LRTM1: variants seen among roughly 807,000 people sequenced by gnomAD.
The protein encoded by LRTM1 is leucine-rich repeat and transmembrane domain-containing protein 1.
Under a neutral mutation model 32.4 loss-of-function variants are expected in LRTM1, and 38 were observed. The observed-to-expected ratio is 1.17, with a 90% CI of 0.91 to 1.54. The LOEUF is 1.54. Ranked by LOEUF, LRTM1 falls within the 40% of genes most tolerant of loss-of-function variation. The pLI, the probability that LRTM1 is intolerant of heterozygous loss-of-function variation, is 0.00. For missense variants in LRTM1, 466 were observed against 415.4 expected, an observed-to-expected ratio of 1.12 and a Z score of -1.06; for synonymous variants, 186 against 169.9, an observed-to-expected ratio of 1.09 and a Z score of -0.74.
upstream of LRTM1, among the ~76,000 whole-genome samples, chr3:54,931,196 C>T (rs1044095104): frequency 3.9e-5 from 6 of 152,180 alleles, no homozygotes; most frequent in African/African-American, 9.6e-5. Context: ...CACGAATGCC[C>T]AGGAAACTCC....
chr3:54,928,862 C>A (rs371110986), upstream of LRTM1, among the ~76,000 whole-genome samples: 1 of 152,146 alleles, frequency 6.6e-6, no homozygotes, highest in African/African-American at 2.4e-5. Context: ...GAGCATCAGG[C>A]GTCAGTCGAC....
chr3:54,932,780 C>T (rs1053645840), upstream of LRTM1, among the ~76,000 whole-genome samples: 7 of 152,236 alleles, frequency 4.6e-5, no homozygotes, highest in African/African-American at 1.7e-4. Context: ...ACAGGCTCCT[C>T]ATCCAAACCA....
intron 1 of LRTM1, among the ~76,000 whole-genome samples, chr3:54,950,226 A>G (rs2107013004): frequency 6.6e-6 from 1 of 152,376 alleles, no homozygotes; most frequent in Middle Eastern, 3.4e-3. Context: ...CAACATGCTC[A>G]AGCAATGTTT....
At chr3:54,927,593 T>G (rs1319262745) in intron 1 of LRTM1, among the ~76,000 whole-genome samples, 1 of 152,106 alleles carries the variant, frequency 6.6e-6, no homozygotes, top group Non-Finnish European at 1.5e-5. Flanking sequence ...TGTTCATTCT[T>G]TCTTTGGTTC....
chr3:54,942,402 G>A (rs1360579565), intron 1 of LRTM1, among the ~76,000 whole-genome samples: 1 of 152,188 alleles, frequency 6.6e-6, no homozygotes, highest in Non-Finnish European at 1.5e-5. Flanking sequence ...CACACCTTCT[G>A]ATTTGGGCAC....
chr3:54,958,314 GC>G (rs1701951495), intron 1 of LRTM1, among the ~76,000 whole-genome samples: 1 of 152,164 alleles, frequency 6.6e-6, no homozygotes, highest in South Asian at 2.1e-4. Flanking sequence ...GACTGCCTGA[GC>G]CCAAGAGTTG....
upstream of LRTM1, among the ~76,000 whole-genome samples, chr3:54,928,736 A>T (rs1415291979): frequency 7.2e-6 from 1 of 139,800 alleles, no homozygotes; most frequent in African/African-American, 2.7e-5. Context: ...AGTTGAATTG[A>T]CCTTTTGGTT....
At chr3:54,940,337 A>C (rs1701435174) in intron 1 of LRTM1, among the ~76,000 whole-genome samples, 1 of 152,196 alleles carries the variant, frequency 6.6e-6, no homozygotes. Context: ...AATATATTCA[A>C]CTTCCCTGTA....
intron 1 of LRTM1, among the ~76,000 whole-genome samples, chr3:54,953,910 G>T (rs1353095891): frequency 1.3e-5 from 2 of 152,290 alleles, no homozygotes; most frequent in Non-Finnish European, 1.5e-5. Flanking sequence ...ACCCCGTTTT[G>T]CTAAGTGCTC....
chr3:54,965,200 CA>C (rs758635911), intron 1 of LRTM1, among the ~76,000 whole-genome samples: 37 of 151,694 alleles, frequency 2.4e-4, no homozygotes, highest in Non-Finnish European at 4.4e-4. Context: ...ACTTTATTTA[CA>C]AAAAGAGGCT....
chr3:54,944,991 C>T (rs895069428), intron 1 of LRTM1, among the ~76,000 whole-genome samples: 1 of 152,154 alleles, frequency 6.6e-6, no homozygotes, highest in Non-Finnish European at 1.5e-5. Context: ...CACAAATAGA[C>T]TTTACTATTG....
At chr3:54,950,759 C>G (rs1200068720) in intron 1 of LRTM1, among the ~76,000 whole-genome samples, 1 of 152,154 alleles carries the variant, frequency 6.6e-6, no homozygotes, top group Non-Finnish European at 1.5e-5. Flanking sequence ...GCCTCAGATA[C>G]CAATATCTTG....
At chr3:54,932,551 C>A (rs1469515052), upstream of LRTM1, among the ~76,000 whole-genome samples, 2 of 152,164 alleles carry the variant, frequency 1.3e-5, no homozygotes, top group Non-Finnish European at 2.9e-5. Flanking sequence ...TTTGAGATGT[C>A]TTATCTTCTA....
intron 1 of LRTM1, among the ~76,000 whole-genome samples, chr3:54,941,433 T>C (rs1209622080): frequency 1.3e-5 from 2 of 152,210 alleles, no homozygotes; most frequent in East Asian, 1.9e-4. Flanking sequence ...TTCAAACTAC[T>C]TATTGGCCCA....
intron 1 of LRTM1, among the ~76,000 whole-genome samples, chr3:54,948,348 A>G (rs1375973508): frequency 2.0e-5 from 3 of 152,238 alleles, no homozygotes; most frequent in African/African-American, 7.2e-5. Context: ...AAGATTCTTG[A>G]TAATTGTCAT....
chr3:54,943,164 T>C (rs1701519460), intron 1 of LRTM1, among the ~76,000 whole-genome samples: 1 of 151,258 alleles, frequency 6.6e-6, no homozygotes, highest in African/African-American at 2.4e-5. Context: ...ATCATGCCAC[T>C]TCACTCCAGC....
rs562800898 is a variant in LRTM1 at position 54,944,623 on chromosome 3, G to A, written c.-221-19408C>T. Among the ~76,000 whole-genome samples the A allele has an allele frequency of 5.4e-4, 82 of 151,938 alleles. 1 individual carries two copies. The highest frequency in any genetic ancestry group is 8.4e-4 in the Non-Finnish European group (57 of 67,936). On this transcript the variant is annotated intron_variant, in intron 1 of 2. Coordinates refer to the LRTM1 transcript ENST00000493075. ...TTTTTAGTAGAGACAGGGTTTCACC[G>A]TGTTAGCCAGGATGGTCTCGAACTC...
intron 1 of LRTM1, among the ~76,000 whole-genome samples, chr3:54,957,810 G>T (rs1378136507): frequency 6.6e-6 from 1 of 152,134 alleles, no homozygotes; most frequent in Non-Finnish European, 1.5e-5. Flanking sequence ...CCCCTACACA[G>T]TCCCCCAGAC....
chr3:54,923,293 T>A (rs1700906345), intron 2 of LRTM1, among the ~76,000 whole-genome samples: 1 of 152,174 alleles, frequency 6.6e-6, no homozygotes, highest in Non-Finnish European at 1.5e-5. Flanking sequence ...TCCTCTGCAC[T>A]GGCCACTGTC....
Sources: gnomAD v4.1 joint callset for allele counts (sites outside exome capture counted in the v4.1 genomes callset) on GRCh38, gnomAD v4.1.1 for gene constraint, MANE v1.5 for transcripts, NCBI Gene and HGNC (gene_info 2026-07-23, HGNC 2026-07-21) for gene names.